The following DYRK1A variants were observed in gnomAD, a reference collection of about 807,000 sequenced individuals.
DYRK1A encodes dual specificity tyrosine-phosphorylation-regulated kinase 1A.
DYRK1A carries 9 observed loss-of-function variants against 79.7 expected under a neutral mutation model. The observed-to-expected ratio is 0.11, with a 90% CI of 0.07 to 0.20. The LOEUF is 0.20. Among genes scored for constraint, DYRK1A ranks in the 10% least tolerant of loss-of-function variants. The pLI is 1.00. For missense variants in DYRK1A, 622 were observed against 956.0 expected, an observed-to-expected ratio of 0.65 and a Z score of 4.61; for synonymous variants, 349 against 329.7, an observed-to-expected ratio of 1.06 and a Z score of -0.63.
Position 37,426,768 on chromosome 21 carries a change from A to T in DYRK1A, c.10+6384A>T, listed in dbSNP as rs1272250587. On this transcript the variant is annotated intron_variant, in intron 2 of 11. Coordinates refer to ENST00000647188, the MANE Select transcript of DYRK1A (RefSeq NM_001347721.2). ...TACTAAAAATACAAAAAAAAAAAAA[A>T]AATAAGCCAGGTTTGGTGGCGGGCA... Among the ~76,000 whole-genome samples, 105 of 150,570 alleles carry T rather than the reference A, an allele frequency of 7.0e-4. 2 individuals are homozygous for T. The highest frequency in any genetic ancestry group is 2.3e-3 in the African/African-American group (94 of 41,204).
intron 1 of DYRK1A, among the ~76,000 whole-genome samples, chr21:37,417,538 T>TTCTTTTTCTTTTTCTTTTCTTTC (rs372913876): frequency 1.0e-5 from 1 of 99,896 alleles, no homozygotes; most frequent in African/African-American, 3.6e-5. Flanking sequence ...TCTTTTTTTT[T>TTCTTTTTCTTTTTCTTTTCTTTC]TTTTTTTTTT....
chr21:37,418,773 A>T (rs998843506), intron 1 of DYRK1A: 5 of 152,184 alleles, frequency 3.3e-5, no homozygotes, highest in Non-Finnish European at 7.4e-5. Flanking sequence ...TACACCCCCC[A>T]CAATATGATA....
chr21:37,447,919 TAAAA>T (rs2051324632), intron 2 of DYRK1A, among the ~76,000 whole-genome samples: 1 of 152,068 alleles, frequency 6.6e-6, no homozygotes, highest in Non-Finnish European at 1.5e-5. Flanking sequence ...AATTGTATAT[TAAAA>T]TTCGGAATTA....
chr21:37,403,648 A>AATAT (rs1245905666), intron 1 of DYRK1A, among the ~76,000 whole-genome samples: 1 of 84,594 alleles, frequency 1.2e-5, no homozygotes, highest in Non-Finnish European at 2.8e-5. Context: ...AAAAAAAAAA[A>AATAT]ATATATATAT....
intron 1 of DYRK1A, among the ~76,000 whole-genome samples, chr21:37,410,260 G>C (rs969578884): frequency 1.3e-5 from 2 of 152,182 alleles, no homozygotes; most frequent in African/African-American, 4.8e-5. Context: ...TGAGGAATAA[G>C]TCTTTGTGCA....
intron 8 of DYRK1A, among the ~76,000 whole-genome samples, chr21:37,495,152 TTGTGTGTG>T (rs56226706): frequency 0.071 from 9,703 of 137,618 alleles, 355 homozygotes; most frequent in African/African-American, 0.098. Flanking sequence ...CTCTGGGATT[TTGTGTGTG>T]TGTGTGTGTG....
intron 9 of DYRK1A, among the ~76,000 whole-genome samples, chr21:37,497,478 A>G (rs2053307364): frequency 6.6e-6 from 1 of 152,132 alleles, no homozygotes; most frequent in Admixed American, 6.5e-5. Flanking sequence ...CCCATTTTCC[A>G]TGTAACCAAA....
chr21:37,457,037 C>CTTATTTATTTAT (rs57947572), intron 2 of DYRK1A, among the ~76,000 whole-genome samples: 111 of 59,250 alleles, frequency 1.9e-3, no homozygotes, highest in South Asian at 2.7e-3. Context: ...TACTTACTTA[C>CTTATTTATTTAT]TTATTTATTT....
intron 2 of DYRK1A, among the ~76,000 whole-genome samples, chr21:37,429,445 C>T (rs2050715796): frequency 6.6e-6 from 1 of 152,134 alleles, no homozygotes; most frequent in Admixed American, 6.5e-5. Context: ...CTAGGGAGGC[C>T]TCAGGAAACT....
At chr21:37,377,326 A>C (rs937420733) in intron 1 of DYRK1A, among the ~76,000 whole-genome samples, 1 of 152,028 alleles carries the variant, frequency 6.6e-6, no homozygotes, top group Non-Finnish European at 1.5e-5. Flanking sequence ...TCACCATGTT[A>C]GTCAGGGTGG....
chr21:37,520,583 C>T lies in DYRK1A; in HGVS notation c.*8052C>T, dbSNP rs891838504. 17 of 152,168 alleles carry T rather than the reference C, an allele frequency of 1.1e-4. No homozygotes were observed. Among genetic ancestry groups the T allele is most frequent in the African/African-American group, 4.1e-4 (17 of 41,434 alleles). The allele number at this position is 152,168 out of a possible 1,614,324, so 9.4% of individuals were successfully genotyped here. A position where few individuals can be genotyped will look rare whatever the true frequency, so the allele number is the denominator to read the frequency against. ...TAAAAGTCTGTTTGTTTGCATTAGACTATACATGATTTGCATTACAATGGG... is the reference window on the plus strand; with the variant it reads ...TAAAAGTCTGTTTGTTTGCATTAGATTATACATGATTTGCATTACAATGGG... On this transcript the variant is annotated 3_prime_UTR_variant, in exon 12 of 12. Coordinates refer to ENST00000647188, the MANE Select transcript of DYRK1A (RefSeq NM_001347721.2).
At chr21:37,433,597 A>C (rs2050838459) in intron 2 of DYRK1A, among the ~76,000 whole-genome samples, 1 of 152,338 alleles carries the variant, frequency 6.6e-6, no homozygotes, top group Admixed American at 6.5e-5. Flanking sequence ...ATGTACCAAA[A>C]GTTGTGAAGT....
chr21:37,404,429 C>G lies in DYRK1A; in HGVS notation c.-76-15870C>G, dbSNP rs1003633329. Among the ~76,000 whole-genome samples, 5 of 152,328 alleles carry G rather than the reference C, an allele frequency of 3.3e-5. 1 individual carries two copies. The South Asian group carries it at 1.0e-3, about 32-fold the overall frequency. The stretch of plus-strand genomic sequence containing the variant: ...CAGCCTCTAAGTAATCATTCTGTGG[C>G]TCAGGTTGTTTCACCTGGCCCATGT... On this transcript the variant is annotated intron_variant, in intron 1 of 11. Transcript: ENST00000647188.
intron 11 of DYRK1A, among the ~76,000 whole-genome samples, chr21:37,510,696 GT>G (rs2053724277): frequency 6.6e-6 from 1 of 151,992 alleles, no homozygotes; most frequent in Non-Finnish European, 1.5e-5. Context: ...CGTCTTCCAG[GT>G]CCTGATCTCC....
intron 2 of DYRK1A, among the ~76,000 whole-genome samples, chr21:37,460,617 C>A (rs1419207695): frequency 6.6e-6 from 1 of 152,186 alleles, no homozygotes; most frequent in Admixed American, 6.5e-5. Context: ...CCAAACGTCC[C>A]TACGCTCATT....
intron 2 of DYRK1A, among the ~76,000 whole-genome samples, chr21:37,436,976 A>T (rs1161685884): frequency 6.6e-6 from 1 of 152,208 alleles, no homozygotes; most frequent in African/African-American, 2.4e-5. Flanking sequence ...CTAGGAAAAG[A>T]TTCTTGGCGA....
chr21:37,405,296 C>T (rs1225467696), intron 1 of DYRK1A, among the ~76,000 whole-genome samples: 1 of 152,106 alleles, frequency 6.6e-6, no homozygotes, highest in East Asian at 1.9e-4. Context: ...GCAGCTGTCC[C>T]ATTATTGGAT....
Position 37,386,354 on chromosome 21 carries a change from C to T in DYRK1A, c.-77+18726C>T, listed in dbSNP as rs146478234. 8.1e-3 allele frequency among the ~76,000 whole-genome samples: 1,232 copies of T among 152,286 alleles called. 17 individuals are homozygous for T. The highest frequency in any genetic ancestry group is 0.029 in the African/African-American group (1,186 of 41,544). ...AATTGTCTTCCACGAAACTGGTCCC[C>T]GGTGCCAAAAAGGTCAGAGACCGCT... is the stretch of plus-strand genomic sequence containing the variant. On this transcript the variant is annotated intron_variant, in intron 1 of 11. Transcript: ENST00000647188.
chr21:37,369,352 G>A (rs1342263437), intron 1 of DYRK1A, among the ~76,000 whole-genome samples: 1 of 152,186 alleles, frequency 6.6e-6, no homozygotes, highest in African/African-American at 2.4e-5. Context: ...ATGTGTTAAG[G>A]TTTTAAGCTG....
Sources: gnomAD v4.1 joint callset for allele counts (sites outside exome capture counted in the v4.1 genomes callset) on GRCh38, gnomAD v4.1.1 for gene constraint, MANE v1.5 for transcripts, NCBI Gene and HGNC (gene_info 2026-07-23, HGNC 2026-07-21) for gene names.